MAGI3: variants seen among roughly 807,000 people sequenced by gnomAD.
The protein encoded by MAGI3 is membrane-associated guanylate kinase, WW and PDZ domain-containing protein 3.
Under a neutral mutation model 121.8 loss-of-function variants are expected in MAGI3, and 43 were observed. The observed-to-expected ratio is 0.35, with a 90% confidence interval of 0.28 to 0.46. MAGI3 has a LOEUF of 0.46. Ranked by LOEUF, MAGI3 falls within the 20% of genes least tolerant of loss-of-function variation. MAGI3 has a pLI of 1.00. For synonymous variants in MAGI3, 553 were observed against 639.3 expected (o/e 0.86, Z 2.04); for missense variants, 1,547 against 1,797.3 (o/e 0.86, Z 2.52).
chr1:113,619,714 T>C (rs768248623), intron 7 of MAGI3, 22 bp from the exon 8 acceptor site: 1 of 1,471,080 alleles, frequency 6.8e-7, no homozygotes, highest in Non-Finnish European at 9.5e-7. Context: ...AACTGAAATG[T>C]ATATTTTTCT....
intron 1 of MAGI3, among the ~76,000 whole-genome samples, chr1:113,432,871 G>T (rs541431663): frequency 4.6e-5 from 7 of 151,914 alleles, no homozygotes; most frequent in Admixed American, 6.6e-5. Context: ...CCTCTTGCAC[G>T]GTTGGTATTT....
chr1:113,515,769 G>A (rs1350375865), intron 1 of MAGI3, among the ~76,000 whole-genome samples: 3 of 152,038 alleles, frequency 2.0e-5, no homozygotes, highest in Non-Finnish European at 4.4e-5. Flanking sequence ...ATTATTTAAG[G>A]CTTAAGTTAC....
At chr1:113,615,187 A>AAT (rs1345078550) in intron 7 of MAGI3, among the ~76,000 whole-genome samples, 1 of 152,132 alleles carries the variant, frequency 6.6e-6, no homozygotes, top group Non-Finnish European at 1.5e-5. Flanking sequence ...TTTAAACATA[A>AAT]ATATATATTG....
At chr1:113,641,183 A>G (rs1279787710) in intron 9 of MAGI3, among the ~76,000 whole-genome samples, 2 of 143,390 alleles carry the variant, frequency 1.4e-5, no homozygotes, top group African/African-American at 5.2e-5. Flanking sequence ...TATATATATC[A>G]GGGGTGGAGG....
At chr1:113,477,254 T>C (rs1003828183) in intron 1 of MAGI3, among the ~76,000 whole-genome samples, 1 of 152,246 alleles carries the variant, frequency 6.6e-6, no homozygotes, top group African/African-American at 2.4e-5. Context: ...TATGTGTGAA[T>C]TTGATCCTGT....
chr1:113,425,614 A>G (rs1380310695), intron 1 of MAGI3, among the ~76,000 whole-genome samples: 2 of 152,096 alleles, frequency 1.3e-5, no homozygotes, highest in Non-Finnish European at 2.9e-5. Context: ...TGTTTATAGG[A>G]CTATTCAGAT....
intron 1 of MAGI3, among the ~76,000 whole-genome samples, chr1:113,452,455 T>TACACACACACACACACACAC (rs4026203): frequency 6.8e-6 from 1 of 147,112 alleles, no homozygotes; most frequent in Non-Finnish European, 1.5e-5. Flanking sequence ...TGCATAGACA[T>TACACACACACACACACACAC]ACACACACAC....
chr1:113,604,210 T>C (rs1232165728), intron 6 of MAGI3, among the ~76,000 whole-genome samples: 1 of 152,100 alleles, frequency 6.6e-6, no homozygotes, highest in Non-Finnish European at 1.5e-5. Flanking sequence ...TAATTCATAA[T>C]TGCAAACATG....
chr1:113,626,377 G>A (rs1184047274), intron 9 of MAGI3, among the ~76,000 whole-genome samples: 1 of 152,146 alleles, frequency 6.6e-6, no homozygotes, highest in Non-Finnish European at 1.5e-5. Context: ...ATATTTTGTT[G>A]AGGAGTTTTA....
In MAGI3 at chr1:113,653,867, T is replaced by A; in HGVS notation, c.2478T>A (p.Ile826=). 1 of 1,611,896 alleles carries A rather than the reference T, an allele frequency of 6.2e-7. No individual in the cohort carries two copies. Among genetic ancestry groups the A allele is most frequent in the South Asian group, 1.1e-5 (1 of 90,796 alleles). Residue 826 remains isoleucine (I), a synonymous_variant, in exon 15 of 21, where the codon ATT becomes ATA. Coordinates refer to ENST00000307546, the MANE Select transcript of MAGI3 (RefSeq NM_001142782.2). Reference sequence around the variant, plus strand: ...AGGACGACAGCTCTCAGGCCTTCATTTCAACACAGAATGGATCTCCCCGCC... The same window carrying A: ...AGGACGACAGCTCTCAGGCCTTCATATCAACACAGAATGGATCTCCCCGCC... The part of the protein sequence containing the change: ...QPEDDSSQAF[I]STQNGSPRLN...
intron 1 of MAGI3, among the ~76,000 whole-genome samples, chr1:113,478,476 G>C (rs1174515992): frequency 6.6e-6 from 1 of 152,160 alleles, no homozygotes; most frequent in Non-Finnish European, 1.5e-5. Context: ...CCTTCTAACA[G>C]TCAGTTCCCT....
chr1:113,570,756 A>C (rs1482513389), intron 2 of MAGI3, among the ~76,000 whole-genome samples: 2 of 150,832 alleles, frequency 1.3e-5, no homozygotes, highest in Non-Finnish European at 3.0e-5. Context: ...TTTTTCATGT[A>C]AATTTGTTTA....
chr1:113,516,390 CAAAAAAAAA>C (rs60186333), intron 1 of MAGI3, among the ~76,000 whole-genome samples: 2 of 70,996 alleles, frequency 2.8e-5, no homozygotes, highest in African/African-American at 1.2e-4. Context: ...GAAGTTCTCA[CAAAAAAAAA>C]AAAAAAAAAA....
chr1:113,639,059 G>A (rs1345180981), intron 9 of MAGI3, among the ~76,000 whole-genome samples: 1 of 152,214 alleles, frequency 6.6e-6, no homozygotes, highest in Non-Finnish European at 1.5e-5. Context: ...ATAATCTCCT[G>A]GTGCGCCGTT....
At chr1:113,666,260 G>A (rs1253848140) in intron 16 of MAGI3, among the ~76,000 whole-genome samples, 2 of 152,300 alleles carry the variant, frequency 1.3e-5, no homozygotes, top group Non-Finnish European at 2.9e-5. Context: ...TCTCTCTGTA[G>A]CATGTGATGC....
At chr1:113,600,902 C>G (rs1033540559) in intron 6 of MAGI3, among the ~76,000 whole-genome samples, 10 of 152,242 alleles carry the variant, frequency 6.6e-5, no homozygotes, top group Non-Finnish European at 1.2e-4. Context: ...ACAGAGCCCT[C>G]AGAAATAGCG....
At chr1:113,526,003 A>AAAAAC (rs1202412858) in intron 1 of MAGI3, among the ~76,000 whole-genome samples, 18 of 152,336 alleles carry the variant, frequency 1.2e-4, no homozygotes, top group African/African-American at 4.1e-4. Flanking sequence ...TCCATCTCAA[A>AAAAAC]AAAACAAAAC....
At chr1:113,445,585 C>T (rs115776384) in intron 1 of MAGI3, among the ~76,000 whole-genome samples, 1,758 of 152,202 alleles carry the variant, frequency 0.012, 40 homozygotes, top group African/African-American at 0.041. Context: ...GCCTAGGCAA[C>T]AGAGCAAGAC....
chr1:113,549,492 T>G (rs1299716930), intron 1 of MAGI3, 23 bp from the exon 2 acceptor site: 3 of 1,342,820 alleles, frequency 2.2e-6, no homozygotes, highest in East Asian at 4.6e-5. Context: ...ATTTTCTGTT[T>G]TTTTTTTTTG....
Sources: allele counts gnomAD v4.1 joint callset (sites outside exome capture counted in the v4.1 genomes callset), GRCh38; gene constraint gnomAD v4.1.1; transcripts MANE v1.5; gene names NCBI Gene and HGNC (gene_info 2026-07-23, HGNC 2026-07-21).